NOL4L: variants seen among roughly 807,000 people sequenced by gnomAD.
NOL4L encodes nucleolar protein 4-like.
In NOL4L, 7 loss-of-function variants were observed where a neutral mutation model predicts 64.5. The ratio of observed to expected loss-of-function variants is 0.11; its 90% CI spans 0.06 to 0.20. The LOEUF is 0.20. Ranked by LOEUF, NOL4L falls within the 10% of genes least tolerant of loss-of-function variation. The pLI, the probability that NOL4L is intolerant of heterozygous loss-of-function variation, is 1.00. For synonymous variants in NOL4L, 413 were observed against 401.0 expected, an observed-to-expected ratio of 1.03 and a Z score of -0.36; for missense variants, 680 against 967.1, an observed-to-expected ratio of 0.70 and a Z score of 3.94.
intron 5 of NOL4L, among the ~76,000 whole-genome samples, chr20:32,462,187 T>A (rs1278732309): frequency 6.6e-6 from 1 of 152,190 alleles, no homozygotes; most frequent in Non-Finnish European, 1.5e-5. Flanking sequence ...GATGATCCCC[T>A]GAAATCCATC....
intron 10 of NOL4L, among the ~76,000 whole-genome samples, chr20:32,448,335 A>T (rs2012513804): frequency 6.6e-6 from 1 of 151,910 alleles, no homozygotes; most frequent in African/African-American, 2.4e-5. Flanking sequence ...GCCCAGGAGG[A>T]GCTGAGAGTC....
intron 2 of NOL4L, among the ~76,000 whole-genome samples, chr20:32,525,522 T>C (rs2018101525): frequency 6.6e-6 from 1 of 152,244 alleles, no homozygotes; most frequent in Non-Finnish European, 1.5e-5. Flanking sequence ...ACCTGCTTCA[T>C]GCATGCAACC....
chr20:32,541,585 G>A (rs1032032280), intron 1 of NOL4L, among the ~76,000 whole-genome samples: 2 of 152,216 alleles, frequency 1.3e-5, no homozygotes, highest in Admixed American at 6.5e-5. Flanking sequence ...ACCAGCTGGC[G>A]GTGCAGGGTC....
At chr20:32,527,219 C>T (rs2018165009) in intron 2 of NOL4L, among the ~76,000 whole-genome samples, 1 of 152,142 alleles carries the variant, frequency 6.6e-6, no homozygotes, top group South Asian at 2.1e-4. Context: ...TGCTCTCAGC[C>T]TCCCCACCCC....
At chr20:32,469,649 G>T (rs1156405498) in intron 5 of NOL4L, among the ~76,000 whole-genome samples, 2 of 152,222 alleles carry the variant, frequency 1.3e-5, no homozygotes, top group African/African-American at 4.8e-5. Flanking sequence ...GGGCTTACAG[G>T]CGTGAGCCAC....
intron 4 of NOL4L, among the ~76,000 whole-genome samples, chr20:32,505,353 G>A (rs1016158441): frequency 9.2e-5 from 14 of 152,122 alleles, no homozygotes; most frequent in African/African-American, 3.4e-4. Flanking sequence ...GATAAATGCA[G>A]TAAACAAAAT....
chr20:32,577,184 G>A (rs1980171321), intron 1 of NOL4L, among the ~76,000 whole-genome samples: 1 of 152,236 alleles, frequency 6.6e-6, no homozygotes, highest in Non-Finnish European at 1.5e-5. Flanking sequence ...TCAGACCCCT[G>A]CCGGAGGGAG....
intron 10 of NOL4L, among the ~76,000 whole-genome samples, chr20:32,448,607 G>C (rs1414411818): frequency 1.3e-5 from 2 of 152,220 alleles, no homozygotes; most frequent in African/African-American, 4.8e-5. Context: ...TGAGTGAGGT[G>C]GAGGGTTCAT....
At chr20:32,533,434 G>T (rs781344204) in intron 1 of NOL4L, 2 of 152,234 alleles carry the variant, frequency 1.3e-5, no homozygotes, top group Non-Finnish European at 2.9e-5. Flanking sequence ...ATGCAAGACA[G>T]ATTTTGAGAA....
chr20:32,478,277 T>A (rs56377832), intron 4 of NOL4L, among the ~76,000 whole-genome samples: 34,485 of 104,990 alleles, frequency 0.33, 4,332 homozygotes, highest in East Asian at 0.58. Flanking sequence ...ACACACACTC[T>A]CTCTCTCTCT....
rs74377590 is a variant in NOL4L at position 32,504,925 on chromosome 20, A to G, written c.699+6422T>C. On this transcript the variant is annotated intron_variant, in intron 4 of 10. Coordinates refer to ENST00000621426, the MANE Select transcript of NOL4L (RefSeq NM_001256798.2). ...CTCTGCTTCTTTAAGAGACCATCAA[A>G]GGTCACACACATTGAGCCACAGCAG... Among the ~76,000 whole-genome samples the G allele has an allele frequency of 4.4e-3, 666 of 152,304 alleles. 3 individuals are homozygous for G. The highest frequency in any genetic ancestry group is 0.016 in the African/African-American group (654 of 41,568).
chr20:32,510,304 C>T lies in NOL4L; in HGVS notation c.699+1043G>A, dbSNP rs773756388. On this transcript the variant is annotated intron_variant, in intron 4 of 10. Transcript: ENST00000621426. ...ACAGTGTGGGGACAGGAGGGCTGGC[C>T]GCCCTGCCTCTTGAAAGGAATACGC... 2.3e-5 allele frequency: 6 copies of T among 266,446 alleles called. No homozygotes were observed. The East Asian group carries it at 3.5e-4, about 16-fold the overall frequency. The allele number at this position is 266,446 out of a possible 1,614,324, so 16.5% of individuals were successfully genotyped here.
intron 4 of NOL4L, among the ~76,000 whole-genome samples, chr20:32,481,980 G>C (rs1202833669): frequency 6.8e-6 from 1 of 146,570 alleles, no homozygotes; most frequent in African/African-American, 2.5e-5. Flanking sequence ...GGGGGGAGCA[G>C]GCTGGGGTTG....
Position 32,568,752 on chromosome 20 carries a change from G to A in NOL4L, c.321+15818C>T, listed in dbSNP as rs533587360. Among the ~76,000 whole-genome samples, 19 of 152,328 alleles carry A rather than the reference G, an allele frequency of 1.2e-4. No individual in the cohort carries two copies. In the East Asian group the frequency reaches 3.5e-3, roughly 28 times the overall value. ...TGGAAATCCTCTTGATGGGGCTTGA[G>A]GCCCATGATGACCCAGCCCTGCTGA... On this transcript the variant is annotated intron_variant, in intron 1 of 10. Transcript: ENST00000621426.
chr20:32,516,533 G>A (rs2145566116), intron 3 of NOL4L, among the ~76,000 whole-genome samples: 1 of 152,266 alleles, frequency 6.6e-6, no homozygotes, highest in Admixed American at 6.5e-5. Context: ...ATCGGAATGG[G>A]ACTCACGAAC....
chr20:32,537,713 T>A (rs1198982172), intron 1 of NOL4L, among the ~76,000 whole-genome samples: 1 of 151,422 alleles, frequency 6.6e-6, no homozygotes, highest in Non-Finnish European at 1.5e-5. Flanking sequence ...AGTAGCTGCC[T>A]CTCCTAGCCA....
At chr20:32,545,050 G>C (rs2018713648) in intron 1 of NOL4L, among the ~76,000 whole-genome samples, 1 of 152,134 alleles carries the variant, frequency 6.6e-6, no homozygotes, top group Non-Finnish European at 1.5e-5. Context: ...AGGCCAAGTG[G>C]GGTCTATGGA....
At chr20:32,488,752 T>C (rs1175051713) in intron 4 of NOL4L, among the ~76,000 whole-genome samples, 4 of 44,166 alleles carry the variant, frequency 9.1e-5, no homozygotes, top group African/African-American at 1.6e-4. Context: ...TTTCTTTTCC[T>C]TCCTTCCTTC....
At chr20:32,469,222 T>C (rs1443008331) in intron 5 of NOL4L, among the ~76,000 whole-genome samples, 4 of 151,888 alleles carry the variant, frequency 2.6e-5, no homozygotes, top group Admixed American at 2.6e-4. Context: ...CCAATGACTA[T>C]GTGAGAAAAA....
Sources: allele counts gnomAD v4.1 joint callset (sites outside exome capture counted in the v4.1 genomes callset), GRCh38; gene constraint gnomAD v4.1.1; transcripts MANE v1.5; gene names NCBI Gene and HGNC (gene_info 2026-07-23, HGNC 2026-07-21).